The following MALRD1 variants were observed in gnomAD, a reference collection of about 807,000 sequenced individuals.
MALRD1 encodes the protein MAM and LDL receptor class A domain containing 1.
MALRD1 carries 247 observed loss-of-function variants against 242.1 expected under a neutral mutation model. That is an observed-to-expected ratio of 1.02 (90% CI 0.92 to 1.13). The LOEUF (loss-of-function observed/expected upper bound fraction) is 1.13. Among genes scored for constraint, MALRD1 ranks in the 50% most tolerant of loss-of-function variants. The probability of loss-of-function intolerance (pLI) is 0.00; values close to 1 mark genes in which losing one functional copy is unlikely to be tolerated. For synonymous variants in MALRD1, 995 were observed against 866.6 expected, an observed-to-expected ratio of 1.15 and a Z score of -2.60; for missense variants, 2,989 against 2,533.1, an observed-to-expected ratio of 1.18 and a Z score of -3.86.
At chr10:19,229,090 GAAATAA>G (rs1837933262) in intron 18 of MALRD1, among the ~76,000 whole-genome samples, 1 of 151,838 alleles carries the variant, frequency 6.6e-6, no homozygotes, top group South Asian at 2.1e-4. Context: ...TATTGTGTTT[GAAATAA>G]AAATAAAGTG....
intron 31 of MALRD1, among the ~76,000 whole-genome samples, chr10:19,504,356 G>T (rs369514442): frequency 1.3e-5 from 2 of 151,986 alleles, no homozygotes; most frequent in African/African-American, 4.8e-5. Flanking sequence ...CTTAACCTTC[G>T]TATTCAGGGC....
At chr10:19,415,304 G>A (rs894024870) in intron 28 of MALRD1, among the ~76,000 whole-genome samples, 4 of 152,064 alleles carry the variant, frequency 2.6e-5, no homozygotes, top group Admixed American at 2.6e-4. Flanking sequence ...TATAAGACTT[G>A]TATTCATTTC....
intron 38 of MALRD1, among the ~76,000 whole-genome samples, chr10:19,718,885 G>C (rs931137249): frequency 6.6e-6 from 1 of 151,672 alleles, no homozygotes; most frequent in East Asian, 1.9e-4. Flanking sequence ...TGTGCTGTTA[G>C]GCCAGGCATG....
intron 1 of MALRD1, among the ~76,000 whole-genome samples, chr10:19,062,228 C>T (rs187285681): frequency 1.2e-4 from 19 of 152,290 alleles, no homozygotes; most frequent in African/African-American, 4.6e-4. Context: ...GATACCACTT[C>T]ACACCCATTG....
At chr10:19,414,031 A>C (rs1362941993) in intron 28 of MALRD1, among the ~76,000 whole-genome samples, 4 of 151,578 alleles carry the variant, frequency 2.6e-5, no homozygotes, top group Non-Finnish European at 5.9e-5. Flanking sequence ...TCCTTCTAAG[A>C]TCAGTTTCCA....
chr10:19,649,619 C>T (rs1245139965), intron 36 of MALRD1, among the ~76,000 whole-genome samples: 2 of 151,872 alleles, frequency 1.3e-5, no homozygotes, highest in Non-Finnish European at 2.9e-5. Flanking sequence ...CTTATAGATT[C>T]TGGATATTAA....
At position 19,384,226 on chromosome 10, in the gene MALRD1, T is replaced by A. The variant is rs1825889833; in HGVS notation, c.4442-3302T>A. Among the ~76,000 whole-genome samples, 5 of 145,882 alleles carry A rather than the reference T, an allele frequency of 3.4e-5. No homozygotes were observed. In the South Asian group the frequency reaches 1.1e-3, roughly 31 times the overall value. ...AAATCAGGTTACCTGAGTTTTGTCC[T>A]ATAGAGTTGTAAGAGTTTATATATA... is the stretch of plus-strand genomic sequence containing the variant. On this transcript the variant is annotated intron_variant, in intron 26 of 39. Coordinates refer to ENST00000454679, the MANE Select transcript of MALRD1 (RefSeq NM_001142308.3).
rs1047652972 is a variant in MALRD1 at position 19,515,567 on chromosome 10, T to A, written c.5321-15627T>A. On this transcript the variant is annotated intron_variant, in intron 31 of 39. Coordinates refer to ENST00000454679, the MANE Select transcript of MALRD1 (RefSeq NM_001142308.3). ...TCTCTTTTTTTTAATTTTTATTTAT[T>A]TATTTTTTTTGAGACAGAGTCTCGC... Among the ~76,000 whole-genome samples, 4 of 152,076 alleles carry A rather than the reference T, an allele frequency of 2.6e-5. No individual in the cohort carries two copies. The East Asian group carries it at 7.8e-4, about 29-fold the overall frequency.
intron 28 of MALRD1, among the ~76,000 whole-genome samples, chr10:19,392,143 T>G (rs1034865574): frequency 2.6e-5 from 4 of 152,176 alleles, no homozygotes; most frequent in Non-Finnish European, 4.4e-5. Context: ...CATAAATATG[T>G]CATTTATAGA....
In MALRD1 at chr10:19,565,673, C is replaced by A. The variant is rs367980135; in HGVS notation, c.5479-1829C>A. On this transcript the variant is annotated intron_variant, in intron 32 of 39. Coordinates refer to ENST00000454679, the MANE Select transcript of MALRD1 (RefSeq NM_001142308.3). Reference sequence around the variant, plus strand: ...CCACCAGATCCTGGAGCTGAAGATTCTTTGGGATGAGTGCTTACGTGTCAG... The same window carrying A: ...CCACCAGATCCTGGAGCTGAAGATTATTTGGGATGAGTGCTTACGTGTCAG... Among the ~76,000 whole-genome samples, 7 of 152,102 alleles carry A rather than the reference C, an allele frequency of 4.6e-5. No individual in the cohort carries two copies. The East Asian group carries it at 1.2e-3, about 25-fold the overall frequency.
chr10:19,218,927 G>C (rs888423682), intron 18 of MALRD1, among the ~76,000 whole-genome samples: 7 of 152,002 alleles, frequency 4.6e-5, no homozygotes, highest in African/African-American at 1.2e-4. Context: ...TAATTCCAAT[G>C]ATTCTCTGAA....
intron 31 of MALRD1, 48 bp from the exon 32 acceptor site, chr10:19,531,146 T>C: frequency 1.4e-6 from 2 of 1,450,516 alleles, no homozygotes; most frequent in South Asian, 1.3e-5. Flanking sequence ...TTCCGACTCA[T>C]GCGATATTAT....
At chr10:19,695,171 T>A (rs533510542) in intron 38 of MALRD1, among the ~76,000 whole-genome samples, 11 of 152,128 alleles carry the variant, frequency 7.2e-5, no homozygotes, top group African/African-American at 2.6e-4. Flanking sequence ...TGTATACATA[T>A]GTAAAAAACT....
intron 14 of MALRD1, among the ~76,000 whole-genome samples, chr10:19,183,004 A>C (rs1392881513): frequency 6.6e-6 from 1 of 152,060 alleles, no homozygotes; most frequent in Non-Finnish European, 1.5e-5. Context: ...AATTTTTTAG[A>C]CATAAAAGGA....
chr10:19,549,655 A>T (rs1835396180), intron 32 of MALRD1, among the ~76,000 whole-genome samples: 2 of 152,230 alleles, frequency 1.3e-5, no homozygotes, highest in Non-Finnish European at 2.9e-5. Context: ...TGAGTTTTAT[A>T]TGCTCTGGGA....
At chr10:19,252,438 T>G (rs981545043) in intron 18 of MALRD1, among the ~76,000 whole-genome samples, 2 of 152,064 alleles carry the variant, frequency 1.3e-5, no homozygotes, top group African/African-American at 4.8e-5. Flanking sequence ...CATTTTTCTT[T>G]TTTTAATCAA....
chr10:19,531,478 T>A, intron 32 of MALRD1, 127 bp downstream of exon 32: 1 of 927,720 alleles, frequency 1.1e-6, no homozygotes, highest in Non-Finnish European at 1.5e-6. Context: ...AATTTCTCAT[T>A]TCTTTCTGGG....
At chr10:19,497,467 A>C (rs1837775205) in intron 30 of MALRD1, among the ~76,000 whole-genome samples, 1 of 151,826 alleles carries the variant, frequency 6.6e-6, no homozygotes, top group Non-Finnish European at 1.5e-5. Flanking sequence ...ATAATGCTTG[A>C]GAAGTAAAAT....
chr10:19,214,363 G>A (rs1426144757), intron 18 of MALRD1, among the ~76,000 whole-genome samples: 2 of 152,160 alleles, frequency 1.3e-5, no homozygotes, highest in African/African-American at 4.8e-5. Flanking sequence ...AACTTTTGTG[G>A]CATACATTTT....
Sources: allele counts gnomAD v4.1 joint callset (sites outside exome capture counted in the v4.1 genomes callset), GRCh38; gene constraint gnomAD v4.1.1; transcripts MANE v1.5; gene names NCBI Gene and HGNC (gene_info 2026-07-23, HGNC 2026-07-21).